TMEM38B: variants seen among roughly 807,000 people sequenced by gnomAD.
TMEM38B encodes transmembrane protein 38B.
Under a neutral mutation model 28.7 loss-of-function variants are expected in TMEM38B, and 24 were observed. The observed-to-expected ratio is 0.84, with a 90% CI of 0.61 to 1.18. The LOEUF is 1.18. Among genes scored for constraint, TMEM38B ranks in the 50% most tolerant of loss-of-function variants. TMEM38B has a pLI of 0.00. For missense variants in TMEM38B, 380 were observed against 350.9 expected (o/e 1.08, Z -0.66); for synonymous variants, 131 against 127.7 (o/e 1.03, Z -0.17).
rs138085640 is a variant in TMEM38B at position 105,705,704 on chromosome 9, T to C, written c.220T>C (p.Leu74=). 72 of 1,613,964 alleles carry C rather than the reference T, an allele frequency of 4.5e-5. No homozygotes were observed. In the Admixed American group the frequency reaches 7.5e-4, roughly 17 times the overall value. ...LSCLLLAEPP[L]KFLANHTNIL... is the part of the protein sequence containing the mutation. ...CTGTCTACTGCTTGCAGAGCCTCCA[T>C]TGAAGTTTCTTGCAAACCACACTAA... Residue 74 remains leucine (L), a synonymous_variant, in exon 2 of 6, where the codon TTG becomes CTG. Transcript: ENST00000374692.
At chr9:105,704,088 A>AGGGGGG (rs1276454121) in intron 1 of TMEM38B, among the ~76,000 whole-genome samples, 1 of 39,488 alleles carries the variant, frequency 2.5e-5, no homozygotes, top group African/African-American at 1.0e-4. Context: ...GTTGTGGGGT[A>AGGGGGG]GGGGGAGGGG....
chr9:105,722,402 T>C, intron 3 of TMEM38B, 132 bp from the exon 4 acceptor site: 1 of 762,432 alleles, frequency 1.3e-6, no homozygotes, highest in Non-Finnish European at 2.2e-6. Context: ...GCAACTTTTT[T>C]CTTCTTTCCA....
At chr9:105,723,303 C>T (rs189878860) in intron 4 of TMEM38B, among the ~76,000 whole-genome samples, 1 of 152,196 alleles carries the variant, frequency 6.6e-6, no homozygotes, top group East Asian at 1.9e-4. Flanking sequence ...CTCACTGCAG[C>T]CTAGACCTCT....
intron 5 of TMEM38B, among the ~76,000 whole-genome samples, chr9:105,768,809 A>G (rs1037777880): frequency 1.3e-5 from 2 of 151,984 alleles, no homozygotes; most frequent in Non-Finnish European, 2.9e-5. Context: ...AAATCACTCT[A>G]CCTAGAGGTT....
chr9:105,714,959 ATTTC>A, intron 2 of TMEM38B, among the ~76,000 whole-genome samples: 1 of 152,322 alleles, frequency 6.6e-6, no homozygotes, highest in Middle Eastern at 3.4e-3. Flanking sequence ...TTATATTCAT[ATTTC>A]TAATTCAAAT....
At chr9:105,742,276 CTGGATT>C (rs1837235624) in intron 4 of TMEM38B, among the ~76,000 whole-genome samples, 1 of 152,168 alleles carries the variant, frequency 6.6e-6, no homozygotes, top group African/African-American at 2.4e-5. Flanking sequence ...GGCCCATAGG[CTGGATT>C]CAGGTGCAGA....
intron 2 of TMEM38B, among the ~76,000 whole-genome samples, chr9:105,711,239 G>A (rs911803395): frequency 6.6e-6 from 1 of 150,792 alleles, no homozygotes; most frequent in East Asian, 2.0e-4. Flanking sequence ...TCAGGAGTTC[G>A]AAACCAGCCT....
chr9:105,747,269 A>G (rs574731612), intron 4 of TMEM38B, among the ~76,000 whole-genome samples: 5 of 152,208 alleles, frequency 3.3e-5, no homozygotes, highest in African/African-American at 9.6e-5. Flanking sequence ...TTATTGGTCT[A>G]TTCAGAGATT....
chr9:105,758,341 G>A, intron 5 of TMEM38B: 1 of 882,434 alleles, frequency 1.1e-6, no homozygotes, highest in Non-Finnish European at 1.9e-6. Flanking sequence ...GATCTTCCTG[G>A]TATGGCGATC....
intron 1 of TMEM38B, among the ~76,000 whole-genome samples, chr9:105,699,546 A>G (rs1235204668): frequency 6.6e-6 from 1 of 152,206 alleles, no homozygotes; most frequent in Non-Finnish European, 1.5e-5. Flanking sequence ...ACCAGAAGCA[A>G]AATGATAAAG....
chr9:105,757,703 A>T (rs1367244173), intron 5 of TMEM38B, among the ~76,000 whole-genome samples: 2 of 152,250 alleles, frequency 1.3e-5, no homozygotes, highest in African/African-American at 4.8e-5. Context: ...GTAAAGAATG[A>T]CTAAAACTGA....
intron 1 of TMEM38B, among the ~76,000 whole-genome samples, chr9:105,698,680 AT>A (rs1172726285): frequency 1.3e-5 from 2 of 152,036 alleles, no homozygotes; most frequent in Non-Finnish European, 2.9e-5. Flanking sequence ...AAATGAGCCT[AT>A]TAGGTTATTT....
chr9:105,729,438 A>G (rs552898113), intron 4 of TMEM38B, among the ~76,000 whole-genome samples: 10 of 152,296 alleles, frequency 6.6e-5, no homozygotes, highest in South Asian at 6.2e-4. Context: ...CCATTGGTCT[A>G]CATCTCTGTT....
chr9:105,700,689 C>G (rs534616126), intron 1 of TMEM38B, among the ~76,000 whole-genome samples: 2 of 152,118 alleles, frequency 1.3e-5, no homozygotes, highest in African/African-American at 4.8e-5. Flanking sequence ...TTGTTCCTTT[C>G]CTGTAATTTG....
intron 2 of TMEM38B, among the ~76,000 whole-genome samples, chr9:105,716,917 A>G (rs1229224027): frequency 6.6e-6 from 1 of 152,226 alleles, no homozygotes; most frequent in African/African-American, 2.4e-5. Context: ...TCACCTGTTC[A>G]TAGTATTGGT....
chr9:105,709,477 C>G (rs556896763), intron 2 of TMEM38B, among the ~76,000 whole-genome samples: 2 of 152,210 alleles, frequency 1.3e-5, no homozygotes, highest in South Asian at 4.1e-4. Flanking sequence ...TAATACATCT[C>G]AAACAAGACA....
Position 105,772,092 on chromosome 9 carries a change from C to T in TMEM38B, c.661-1773C>T, listed in dbSNP as rs968476223. ...TCTTACTTTAAGCCTGAAGTACATC[C>T]CTGGGCAGTTTCACCTTGTCTGACC... is the stretch of plus-strand genomic sequence containing the variant. On this transcript the variant is annotated intron_variant, in intron 5 of 5. Transcript: ENST00000374692. Among the ~76,000 whole-genome samples the T allele has an allele frequency of 3.9e-5, 6 of 152,294 alleles. No homozygotes were observed. In the South Asian group the frequency reaches 6.2e-4, roughly 16 times the overall value.
chr9:105,757,195 GT>G (rs1268368317), intron 5 of TMEM38B, among the ~76,000 whole-genome samples: 4 of 152,100 alleles, frequency 2.6e-5, no homozygotes, highest in African/African-American at 9.7e-5. Flanking sequence ...TAGAATAATG[GT>G]CTTCAACTCC....
In TMEM38B at chr9:105,748,234, C is replaced by G. The variant is rs371231068; in HGVS notation, c.660+44C>G. 29 of 1,389,250 alleles carry G rather than the reference C, an allele frequency of 2.1e-5. No homozygotes were observed. In the African/African-American group the frequency reaches 4.0e-4, roughly 19 times the overall value. 86.1% of individuals were successfully genotyped at this position (1,389,250 alleles called of 1,614,324 possible). On this transcript the variant is annotated intron_variant, in intron 5 of 5. Transcript: ENST00000374692. ...TATAATTATTACAAATCCTGTATAACTATTCCCCTTTGATACAATTTTGCA... is the reference window on the plus strand; with the variant it reads ...TATAATTATTACAAATCCTGTATAAGTATTCCCCTTTGATACAATTTTGCA...
Sources: allele counts gnomAD v4.1 joint callset (sites outside exome capture counted in the v4.1 genomes callset), GRCh38; gene constraint gnomAD v4.1.1; transcripts MANE v1.5; gene names NCBI Gene and HGNC (gene_info 2026-07-23, HGNC 2026-07-21).